Variants in LAMA3 observed in about 807,000 individuals in gnomAD.
The protein encoded by LAMA3 is laminin subunit alpha 3.
A neutral mutation model predicts 402.0 loss-of-function variants in LAMA3; 281 were observed. The observed-to-expected ratio is 0.70, with a 90% CI of 0.63 to 0.77. The LOEUF (loss-of-function observed/expected upper bound fraction) is 0.77, where lower values mean the gene tolerates loss of function less well. Ranked by LOEUF, LAMA3 falls within the 30% of genes least tolerant of loss-of-function variation. LAMA3 has a pLI of 0.00. For synonymous variants in LAMA3, 1,431 were observed against 1,558.4 expected (o/e 0.92, Z 1.93); for missense variants, 3,840 against 4,215.5 (o/e 0.91, Z 2.47).
At chr18:23,779,731 G>T (rs1041009586) in intron 11 of LAMA3, among the ~76,000 whole-genome samples, 2 of 152,138 alleles carry the variant, frequency 1.3e-5, no homozygotes, top group South Asian at 4.1e-4. Flanking sequence ...TAGGGAGAAG[G>T]TATGAGAGTC....
chr18:23,857,701 C>T lies in LAMA3; in HGVS notation c.4137-143C>T. 7 of 1,039,740 alleles carry T rather than the reference C, an allele frequency of 6.7e-6. 1 individual carries two copies. The South Asian group carries it at 9.0e-5, about 13-fold the overall frequency. 64.4% of individuals were successfully genotyped at this position (1,039,740 alleles called of 1,614,324 possible). On this transcript the variant is annotated intron_variant, in intron 32 of 74. Coordinates refer to ENST00000313654, the MANE Select transcript of LAMA3 (RefSeq NM_198129.4). Reference sequence around the variant, plus strand: ...CTGTAAGTGCCTTTTATCTGCCTCTCTCCATTCTGCCTTGGACTATAAGCA... The same window carrying T: ...CTGTAAGTGCCTTTTATCTGCCTCTTTCCATTCTGCCTTGGACTATAAGCA...
intron 7 of LAMA3, among the ~76,000 whole-genome samples, chr18:23,759,049 T>TG (rs1363588324): frequency 6.6e-6 from 1 of 152,052 alleles, no homozygotes; most frequent in African/African-American, 2.4e-5. Flanking sequence ...AAAGCGTTTT[T>TG]TTTTTGTTTT....
intron 10 of LAMA3, among the ~76,000 whole-genome samples, chr18:23,776,307 G>A (rs992060310): frequency 2.6e-5 from 4 of 152,018 alleles, no homozygotes; most frequent in Non-Finnish European, 5.9e-5. Context: ...CCAGGGAAAC[G>A]TTTCCTCTCT....
intron 38 of LAMA3, among the ~76,000 whole-genome samples, chr18:23,874,868 GTTTA>G (rs1379661881): frequency 1.3e-5 from 2 of 152,140 alleles, no homozygotes; most frequent in Non-Finnish European, 2.9e-5. Flanking sequence ...ATCTGATTTT[GTTTA>G]TTTATTATTA....
chr18:23,793,749 C>T (rs1183810123), intron 12 of LAMA3, among the ~76,000 whole-genome samples: 1 of 152,196 alleles, frequency 6.6e-6, no homozygotes, highest in Non-Finnish European at 1.5e-5. Context: ...AGCCAAGTGT[C>T]CTCCAATTCA....
At chr18:23,754,100 TAGAGC>T (rs1343390060) in intron 6 of LAMA3, among the ~76,000 whole-genome samples, 1 of 152,200 alleles carries the variant, frequency 6.6e-6, no homozygotes, top group South Asian at 2.1e-4. Context: ...GCCAATTGAT[TAGAGC>T]TGGCAAGAGA....
At position 23,954,717 on chromosome 18, in the gene LAMA3, C is replaced by A. The variant is rs1490663871; in HGVS notation, c.*69C>A. 1.3e-6 allele frequency: 2 copies of A among 1,493,652 alleles called. No individual in the cohort carries two copies. Among genetic ancestry groups the A allele is most frequent in the Non-Finnish European group, 1.9e-6 (2 of 1,071,284 alleles). The allele number at this position is 1,493,652 out of a possible 1,614,324, so 92.5% of individuals were successfully genotyped here. A position where few individuals can be genotyped will look rare whatever the true frequency, so the allele number is the denominator to read the frequency against. Reference sequence around the variant, plus strand: ...TGATTACCCAATGCACCTCCCTCCCCAGCTCGAGATCATTCTTCACTCAGG... The same window carrying A: ...TGATTACCCAATGCACCTCCCTCCCAAGCTCGAGATCATTCTTCACTCAGG... On this transcript the variant is annotated 3_prime_UTR_variant, in exon 75 of 75. Coordinates refer to ENST00000313654, the MANE Select transcript of LAMA3 (RefSeq NM_198129.4).
chr18:23,914,804 A>C lies in LAMA3; in HGVS notation c.7588A>C (p.Asn2530His), dbSNP rs765960791. Residue 2530 changes from asparagine (N) to histidine (H), a missense_variant, in exon 58 of 75, where the codon AAT becomes CAT. Asn to His is a moderately conservative substitution (Grantham distance 68). Transcript: ENST00000313654. ...MDGRNSNTLLNLDPENVVFYV... is the reference protein window; with the variant it reads ...MDGRNSNTLLHLDPENVVFYV... ...TGGTAGAAATAGCAATACACTCCTT[A>C]ATTTGGATCCTGAAAATGTTGTATT... 1 of 1,613,256 alleles carries C rather than the reference A, an allele frequency of 6.2e-7. No homozygotes were observed. The highest frequency in any genetic ancestry group is 1.1e-5 in the South Asian group (1 of 91,044).
intron 2 of LAMA3, among the ~76,000 whole-genome samples, chr18:23,744,682 A>G (rs542660960): frequency 1.3e-5 from 2 of 151,986 alleles, no homozygotes; most frequent in East Asian, 1.9e-4. Flanking sequence ...ATACAAAAAA[A>G]TTAGCCGGGC....
At chr18:23,860,536 G>A (rs1290242790) in intron 34 of LAMA3, among the ~76,000 whole-genome samples, 1 of 151,774 alleles carries the variant, frequency 6.6e-6, no homozygotes, top group African/African-American at 2.4e-5. Context: ...TGGGATTACA[G>A]GTGTGAGCCA....
Position 23,740,529 on chromosome 18 carries a change from A to G in LAMA3, c.448-7414A>G, listed in dbSNP as rs748596247. ...TTTCTCAGGCTCCTGTGGTTCTTTT[A>G]TATTAGAAAGTGAGACACTCTCTCT... is the stretch of plus-strand genomic sequence containing the variant. On this transcript the variant is annotated intron_variant, in intron 2 of 74. Coordinates refer to ENST00000313654, the MANE Select transcript of LAMA3 (RefSeq NM_198129.4). Among the ~76,000 whole-genome samples the G allele has an allele frequency of 7.3e-5, 11 of 151,440 alleles. No individual in the cohort carries two copies. The East Asian group carries it at 1.9e-3, about 27-fold the overall frequency.
intron 2 of LAMA3, among the ~76,000 whole-genome samples, chr18:23,746,882 T>C (rs1211211425): frequency 6.6e-6 from 1 of 151,026 alleles, no homozygotes; most frequent in Non-Finnish European, 1.5e-5. Flanking sequence ...GTTCTCAGAC[T>C]TAAAAAAAAA....
intron 12 of LAMA3, among the ~76,000 whole-genome samples, chr18:23,791,896 GA>G (rs1256732980): frequency 5.3e-5 from 8 of 152,164 alleles, no homozygotes; most frequent in Non-Finnish European, 7.4e-5. Context: ...TAAATACAAG[GA>G]AAATATTTAA....
intron 6 of LAMA3, among the ~76,000 whole-genome samples, chr18:23,755,003 C>G (rs1399888718): frequency 6.6e-6 from 1 of 152,216 alleles, no homozygotes; most frequent in African/African-American, 2.4e-5. Context: ...GTTGTTCCCC[C>G]TTCAAGGATT....
In LAMA3 at chr18:23,826,721, C is replaced by A; in HGVS notation, c.2591C>A (p.Pro864His). ...GVLLDYLVLL[P>H]RDYYEASVLQ... ...TTCTAGGATTACCTGGTGCTGCTCC[C>A]CAGGGACTACTATGAAGCCTCTGTA... Residue 864 changes from proline to histidine, a missense_variant, in exon 22 of 75, where the codon CCC becomes CAC. Physicochemically the swap from Pro to His is moderately conservative, Grantham distance 77. Around this residue, in one of 3 missense-constraint regions of LAMA3, gnomAD observed 2,109 missense variants for 2,376.0 expected, o/e 0.89. Coordinates refer to ENST00000313654, the MANE Select transcript of LAMA3 (RefSeq NM_198129.4). The A allele has an allele frequency of 6.4e-7, 1 of 1,561,532 alleles. No individual in the cohort carries two copies. The highest frequency in any genetic ancestry group is 1.3e-5 in the African/African-American group (1 of 74,142).
chr18:23,921,623 G>T, intron 62 of LAMA3, 38 bp downstream of exon 62: 1 of 1,609,288 alleles, frequency 6.2e-7, no homozygotes, highest in Non-Finnish European at 8.5e-7. Context: ...TAAAGCCTTT[G>T]TTAGTGGTTA....
chr18:23,951,558 A>G (rs72875941), intron 72 of LAMA3, 126 bp from the exon 73 acceptor site: 7,903 of 714,672 alleles, frequency 0.011, 114 homozygotes, highest in Middle Eastern at 0.056. Context: ...TCAAAAGCGG[A>G]GGAGGGCCAA....
intron 41 of LAMA3, among the ~76,000 whole-genome samples, chr18:23,889,413 T>C (rs2080563580): frequency 6.6e-6 from 1 of 151,914 alleles, no homozygotes; most frequent in South Asian, 2.1e-4. Flanking sequence ...AATTAAAAAA[T>C]TAGCCAGAAA....
At chr18:23,786,551 G>C (rs1402145971) in intron 12 of LAMA3, among the ~76,000 whole-genome samples, 1 of 152,214 alleles carries the variant, frequency 6.6e-6, no homozygotes, top group African/African-American at 2.4e-5. Flanking sequence ...AAACTGAGAA[G>C]ACCATGGCGC....
Sources: allele counts gnomAD v4.1 joint callset (sites outside exome capture counted in the v4.1 genomes callset), GRCh38; gene constraint gnomAD v4.1.1; regional missense constraint gnomAD v4.1.1; transcripts MANE v1.5; gene names NCBI Gene and HGNC (gene_info 2026-07-23, HGNC 2026-07-21).